The following TNIK variants were observed in gnomAD, a reference collection of about 807,000 sequenced individuals.
The protein encoded by TNIK is TRAF2 and NCK-interacting protein kinase.
TNIK carries 49 observed loss-of-function variants against 191.3 expected under a neutral mutation model. The ratio of observed to expected loss-of-function variants is 0.26; its 90% CI spans 0.20 to 0.32. The LOEUF (loss-of-function observed/expected upper bound fraction) is 0.32, where lower values mean the gene tolerates loss of function less well. Ranked by LOEUF, TNIK falls within the 10% of genes least tolerant of loss-of-function variation. The pLI, the probability that TNIK is intolerant of heterozygous loss-of-function variation, is 1.00. For synonymous variants in TNIK, 594 were observed against 600.9 expected, an observed-to-expected ratio of 0.99 and a Z score of 0.17; for missense variants, 1,155 against 1,702.3, an observed-to-expected ratio of 0.68 and a Z score of 5.66.
chr3:171,118,333 G>A (rs1229623207), intron 18 of TNIK, among the ~76,000 whole-genome samples: 2 of 152,172 alleles, frequency 1.3e-5, no homozygotes, highest in African/African-American at 2.4e-5. Context: ...TGGATAGGAA[G>A]AATCAATATC....
At chr3:171,263,831 A>C (rs1747993922) in intron 2 of TNIK, among the ~76,000 whole-genome samples, 1 of 151,664 alleles carries the variant, frequency 6.6e-6, no homozygotes, top group East Asian at 2.0e-4. Context: ...GCAACCCTTA[A>C]ACTGAGACTT....
chr3:171,286,800 A>G (rs1221031453), intron 2 of TNIK, among the ~76,000 whole-genome samples: 1 of 152,206 alleles, frequency 6.6e-6, no homozygotes, highest in Non-Finnish European at 1.5e-5. Context: ...TATTTACACA[A>G]TCTCATTTAT....
At chr3:171,428,904 T>C (rs1724995480) in intron 1 of TNIK, among the ~76,000 whole-genome samples, 1 of 152,144 alleles carries the variant, frequency 6.6e-6, no homozygotes, top group Non-Finnish European at 1.5e-5. Context: ...CTGTCCCTTG[T>C]CCCCCTGAAG....
intron 13 of TNIK, among the ~76,000 whole-genome samples, 156 bp from the exon 14 acceptor site, chr3:171,139,712 C>G (rs1730546784): frequency 6.6e-6 from 1 of 152,180 alleles, no homozygotes; most frequent in Admixed American, 6.5e-5. Context: ...GAGTATGTCA[C>G]ATGGAAGCAA....
At chr3:171,425,961 T>G (rs1724509641) in intron 1 of TNIK, among the ~76,000 whole-genome samples, 2 of 152,194 alleles carry the variant, frequency 1.3e-5, no homozygotes, top group Non-Finnish European at 2.9e-5. Flanking sequence ...TTGGTGGGAC[T>G]GTAAACTAGT....
chr3:171,101,327 G>C (rs577582496), intron 22 of TNIK, 122 bp downstream of exon 22: 1 of 1,155,746 alleles, frequency 8.7e-7, no homozygotes, highest in Non-Finnish European at 1.2e-6. Context: ...CCCAAGTCCC[G>C]AAAGTCAATT....
In TNIK at chr3:171,069,019, T is replaced by C. The variant is rs76204497; in HGVS notation, c.3550-22A>G. The C allele has an allele frequency of 7.8e-4, 1,240 of 1,598,316 alleles. 7 individuals are homozygous for C. In the African/African-American group the frequency reaches 0.015, roughly 20 times the overall value. On this transcript the variant is annotated intron_variant, in intron 29 of 32. Coordinates refer to ENST00000436636, the MANE Select transcript of TNIK (RefSeq NM_015028.4). ...AAGACTTTAAAAATCACCCCATTAG[T>C]ATCCGCATCACTCAAAGAGGCATCT...
rs1728853484 is a variant in TNIK at position 171,128,881 on chromosome 3, A to G, written c.1609-3T>C. The G allele has an allele frequency of 7.1e-7, 1 of 1,414,136 alleles. No homozygotes were observed. The highest frequency in any genetic ancestry group is 1.8e-5 in the African/African-American group (1 of 55,588). The allele number at this position is 1,414,136 out of a possible 1,614,324, so 87.6% of individuals were successfully genotyped here. Reference sequence around the variant, plus strand: ...TTGAGCCTTGACCGTTCTTCTACCTACAACCCAAAAAAAAAAAAAAAAAAA... The same window carrying G: ...TTGAGCCTTGACCGTTCTTCTACCTGCAACCCAAAAAAAAAAAAAAAAAAA... On this transcript the variant is annotated splice_polypyrimidine_tract_variant and splice_region_variant and intron_variant, in intron 15 of 32. Transcript: ENST00000436636.
chr3:171,316,739 A>G (rs1754637686), intron 2 of TNIK, among the ~76,000 whole-genome samples: 1 of 151,920 alleles, frequency 6.6e-6, no homozygotes, highest in Admixed American at 6.6e-5. Flanking sequence ...ATATATAGGA[A>G]TGGTTCATAC....
At chr3:171,370,678 A>C (rs1176304042) in intron 1 of TNIK, among the ~76,000 whole-genome samples, 1 of 152,018 alleles carries the variant, frequency 6.6e-6, no homozygotes, top group African/African-American at 2.4e-5. Flanking sequence ...TCCTTGAGGG[A>C]GGTAGGGTAT....
chr3:171,123,587 C>CT lies in TNIK; in HGVS notation c.2120+8dup. On this transcript the variant is annotated intron_variant, in intron 18 of 32. Transcript: ENST00000436636. ...TTCTTCTTTTACCATAACCACCTTC[C>CT]TTTCTTACCTTGCTCTGATGGGTTG... 1 of 1,536,226 alleles carries CT rather than the reference C, an allele frequency of 6.5e-7. No individual in the cohort carries two copies. The highest frequency in any genetic ancestry group is 8.8e-7 in the Non-Finnish European group (1 of 1,141,114).
At chr3:171,294,300 G>A (rs1046496621) in intron 2 of TNIK, among the ~76,000 whole-genome samples, 1 of 151,990 alleles carries the variant, frequency 6.6e-6, no homozygotes, top group African/African-American at 2.4e-5. Flanking sequence ...GCATATGCCT[G>A]TAATCCTAGA....
At chr3:171,367,477 G>C (rs1049568573) in intron 2 of TNIK, among the ~76,000 whole-genome samples, 9 of 143,324 alleles carry the variant, frequency 6.3e-5, no homozygotes, top group South Asian at 4.5e-4. Context: ...TTTTTTTGGG[G>C]GGGGGGGGAG....
intron 2 of TNIK, among the ~76,000 whole-genome samples, chr3:171,318,875 T>G (rs1415418286): frequency 6.6e-6 from 1 of 152,028 alleles, no homozygotes; most frequent in African/African-American, 2.4e-5. Flanking sequence ...GTATTAAAAA[T>G]TACATGCCGG....
At chr3:171,145,584 A>G (rs1243727869) in intron 12 of TNIK, among the ~76,000 whole-genome samples, 4 of 152,108 alleles carry the variant, frequency 2.6e-5, no homozygotes, top group Non-Finnish European at 5.9e-5. Flanking sequence ...GGGAATAGTA[A>G]TTTTGTCCCA....
intron 2 of TNIK, chr3:171,347,289 T>G: frequency 1.4e-6 from 2 of 1,458,104 alleles, no homozygotes; most frequent in South Asian, 2.5e-5. Context: ...TAGAGCACAC[T>G]CTCTTCTCTT....
intron 15 of TNIK, 120 bp downstream of exon 15, chr3:171,138,071 T>G (rs1730291149): frequency 2.3e-6 from 2 of 875,148 alleles, no homozygotes; most frequent in Non-Finnish European, 3.1e-6. Context: ...GCAAAGCATG[T>G]GTCTTATGAT....
chr3:171,219,174 T>C (rs1242851904), intron 3 of TNIK, among the ~76,000 whole-genome samples: 2 of 77,614 alleles, frequency 2.6e-5, no homozygotes, highest in Non-Finnish European at 5.2e-5. Context: ...ATTCATATAA[T>C]CATTCAATAA....
intron 7 of TNIK, among the ~76,000 whole-genome samples, chr3:171,186,422 T>C (rs1020043507): frequency 3.9e-5 from 6 of 152,266 alleles, no homozygotes; most frequent in Admixed American, 3.3e-4. Context: ...AAGATGTCTT[T>C]GAAGACCACT....
Sources: allele counts gnomAD v4.1 joint callset (sites outside exome capture counted in the v4.1 genomes callset), GRCh38; gene constraint gnomAD v4.1.1; transcripts MANE v1.5; gene names NCBI Gene and HGNC (gene_info 2026-07-23, HGNC 2026-07-21).